The following FGF14 variants were observed in gnomAD, a reference collection of about 807,000 sequenced individuals.
The protein encoded by FGF14 is fibroblast growth factor 14, also known as fibroblast growth factor homologous factor 4.
In FGF14, 5 loss-of-function variants were observed where a neutral mutation model predicts 25.5. The observed-to-expected ratio is 0.20, with a 90% CI of 0.10 to 0.41. The LOEUF is 0.41. Ranked by LOEUF, FGF14 falls within the 10% of genes least tolerant of loss-of-function variation. FGF14 has a pLI of 1.00. For synonymous variants in FGF14, 138 were observed against 118.3 expected (o/e 1.17, Z -1.08); for missense variants, 222 against 320.1 (o/e 0.69, Z 2.34).
At chr13:101,928,448 G>C (rs148262809) in intron 1 of FGF14, among the ~76,000 whole-genome samples, 20 of 151,964 alleles carry the variant, frequency 1.3e-4, no homozygotes, top group Non-Finnish European at 2.5e-4. Context: ...TCAATCAACA[G>C]GGAAAGTCAC....
chr13:101,799,950 CTT>C (rs1304185598), intron 3 of FGF14, among the ~76,000 whole-genome samples: 1 of 152,080 alleles, frequency 6.6e-6, no homozygotes, highest in African/African-American at 2.4e-5. Context: ...TTTTATCAGA[CTT>C]AGTGCAGACA....
At chr13:102,268,821 C>A (rs967950032) in intron 1 of FGF14, among the ~76,000 whole-genome samples, 3 of 152,018 alleles carry the variant, frequency 2.0e-5, no homozygotes, top group Admixed American at 2.0e-4. Flanking sequence ...AAAATATTTC[C>A]ATCAAAAGAC....
At chr13:101,833,152 C>T (rs1174365120) in intron 3 of FGF14, among the ~76,000 whole-genome samples, 4 of 151,988 alleles carry the variant, frequency 2.6e-5, no homozygotes, top group East Asian at 1.9e-4. Flanking sequence ...TCTCTCCATG[C>T]AGTGCATACC....
At position 102,169,730 on chromosome 13, in the gene FGF14, A is replaced by G. The variant is rs138573610; in HGVS notation, c.208+231741T>C. 2.9e-4 allele frequency among the ~76,000 whole-genome samples: 44 copies of G among 152,240 alleles called. No homozygotes were observed. The East Asian group carries it at 7.9e-3, about 27-fold the overall frequency. On this transcript the variant is annotated intron_variant, in intron 1 of 4. Coordinates refer to the FGF14 transcript ENST00000376131. ...CACTCAAAAGCAATTTAATTGGATA[A>G]CCTTTATTCCAATTATTGAAAGTTC...
In FGF14 at chr13:102,059,837, C is replaced by T. The variant is rs562745067; in HGVS notation, c.209-184541G>A. Among the ~76,000 whole-genome samples, 8 of 148,128 alleles carry T rather than the reference C, an allele frequency of 5.4e-5. No individual in the cohort carries two copies. In the South Asian group the frequency reaches 1.1e-3, roughly 20 times the overall value. On this transcript the variant is annotated intron_variant, in intron 1 of 4. Transcript: ENST00000376131. Reference sequence around the variant, plus strand: ...TTGCACTCCAGCCTGGGTGACAGAGCGAGACTCCATCTCAAAAAAACAAAA... The same window carrying T: ...TTGCACTCCAGCCTGGGTGACAGAGTGAGACTCCATCTCAAAAAAACAAAA...
At chr13:101,812,947 G>A (rs1362901298) in intron 3 of FGF14, among the ~76,000 whole-genome samples, 5 of 152,002 alleles carry the variant, frequency 3.3e-5, no homozygotes, top group African/African-American at 7.2e-5. Context: ...GATTAGAGGC[G>A]TGAGCCACCA....
At chr13:101,994,076 C>A (rs965616894) in intron 1 of FGF14, among the ~76,000 whole-genome samples, 1 of 151,814 alleles carries the variant, frequency 6.6e-6, no homozygotes, top group African/African-American at 2.4e-5. Flanking sequence ...TAAAAGGATG[C>A]ATAGTAAATA....
chr13:102,007,078 A>G (rs983112654), intron 1 of FGF14, among the ~76,000 whole-genome samples: 6 of 152,180 alleles, frequency 3.9e-5, no homozygotes, highest in African/African-American at 1.4e-4. Context: ...TCAAATACTG[A>G]TAAATCAGAA....
At chr13:102,165,907 T>C (rs544498676) in intron 1 of FGF14, among the ~76,000 whole-genome samples, 10 of 151,940 alleles carry the variant, frequency 6.6e-5, no homozygotes, top group African/African-American at 2.4e-4. Flanking sequence ...AAGTATGGTT[T>C]TCTTTTCCTT....
At chr13:102,062,462 G>A (rs2042730992) in intron 1 of FGF14, among the ~76,000 whole-genome samples, 1 of 152,040 alleles carries the variant, frequency 6.6e-6, no homozygotes, top group South Asian at 2.1e-4. Flanking sequence ...AAGTTGATCT[G>A]AAAAACTTCT....
At chr13:101,973,951 T>C (rs939564171) in intron 1 of FGF14, among the ~76,000 whole-genome samples, 19 of 152,238 alleles carry the variant, frequency 1.2e-4, no homozygotes, top group African/African-American at 4.3e-4. Context: ...CCTTAGATCT[T>C]CCTTTAAAGG....
intron 1 of FGF14, among the ~76,000 whole-genome samples, chr13:102,249,857 T>C (rs2052078817): frequency 2.0e-5 from 3 of 152,182 alleles, no homozygotes; most frequent in South Asian, 4.1e-4. Flanking sequence ...GAGCATTTTC[T>C]TCCTCCTCCT....
chr13:101,954,723 C>T (rs202225391), intron 1 of FGF14, among the ~76,000 whole-genome samples: 1 of 141,824 alleles, frequency 7.1e-6, no homozygotes, highest in Non-Finnish European at 1.5e-5. Flanking sequence ...TGTGTGTGTG[C>T]TTGTGCACGA....
intron 1 of FGF14, among the ~76,000 whole-genome samples, chr13:102,088,166 C>G (rs112414177): frequency 6.6e-6 from 1 of 152,102 alleles, no homozygotes; most frequent in African/African-American, 2.4e-5. Context: ...TGTTCGGGTT[C>G]GTTTCTCTAT....
chr13:101,764,957 TG>T (rs1274085304), intron 3 of FGF14, among the ~76,000 whole-genome samples: 1 of 152,202 alleles, frequency 6.6e-6, no homozygotes, highest in Non-Finnish European at 1.5e-5. Context: ...ACTCAAGGAC[TG>T]TAACTTCCCC....
At chr13:102,233,391 A>G (rs1171485198) in intron 1 of FGF14, among the ~76,000 whole-genome samples, 1 of 152,024 alleles carries the variant, frequency 6.6e-6, no homozygotes, top group African/African-American at 2.4e-5. Flanking sequence ...TTGACCTTCC[A>G]AAGTGCTGGG....
chr13:101,954,715 TGTGTGTGCTTGTGCACGA>T (rs2036404099), intron 1 of FGF14, among the ~76,000 whole-genome samples: 1 of 152,146 alleles, frequency 6.6e-6, no homozygotes, highest in South Asian at 2.1e-4. Context: ...TGTGTGTGTG[TGTGTGTGCTTGTGCACGA>T]GTGTGTGCAC....
intron 1 of FGF14, among the ~76,000 whole-genome samples, chr13:102,280,778 A>G (rs756850694): frequency 6.6e-6 from 1 of 152,222 alleles, no homozygotes; most frequent in African/African-American, 2.4e-5. Context: ...CAAGATCTAG[A>G]GTTTAATAGG....
At chr13:102,291,473 GA>G (rs1214242161) in intron 1 of FGF14, among the ~76,000 whole-genome samples, 1 of 152,150 alleles carries the variant, frequency 6.6e-6, no homozygotes, top group Non-Finnish European at 1.5e-5. Flanking sequence ...AAGCTTAAAG[GA>G]GTGTATTCCT....
Sources: gnomAD v4.1 joint callset for allele counts (sites outside exome capture counted in the v4.1 genomes callset) on GRCh38, gnomAD v4.1.1 for gene constraint, MANE v1.5 for transcripts, NCBI Gene and HGNC (gene_info 2026-07-23, HGNC 2026-07-21) for gene names.